Variants in PDZD2 observed in about 807,000 individuals in gnomAD.
PDZD2 encodes the protein PDZ domain containing 2, also known as PDZ domain-containing protein 2.
In PDZD2, 90 loss-of-function variants were observed where a neutral mutation model predicts 220.7. That is an observed-to-expected ratio of 0.41 (90% CI 0.34 to 0.49). PDZD2 has a LOEUF of 0.49. Among genes scored for constraint, PDZD2 ranks in the 20% least tolerant of loss-of-function variants. The pLI is 0.28. For missense variants in PDZD2, 3,174 were observed against 3,608.5 expected, an observed-to-expected ratio of 0.88 and a Z score of 3.08; for synonymous variants, 1,375 against 1,450.5, an observed-to-expected ratio of 0.95 and a Z score of 1.18.
intron 2 of PDZD2, among the ~76,000 whole-genome samples, chr5:31,977,807 T>C (rs1220986993): frequency 6.6e-6 from 1 of 152,112 alleles, no homozygotes; most frequent in Non-Finnish European, 1.5e-5. Context: ...ACCCTGTCTC[T>C]ACTGAAAATA....
chr5:31,796,233 TA>T (rs1236845803), intron 1 of PDZD2, among the ~76,000 whole-genome samples: 1 of 152,154 alleles, frequency 6.6e-6, no homozygotes, highest in African/African-American at 2.4e-5. Flanking sequence ...TCTTTCATTT[TA>T]AAGTCGTCAA....
intron 2 of PDZD2, among the ~76,000 whole-genome samples, chr5:31,949,023 A>G (rs1478809593): frequency 4.2e-5 from 6 of 143,140 alleles, no homozygotes; most frequent in Non-Finnish European, 7.5e-5. Context: ...GCTTGAACCC[A>G]GGAGGCGGAG....
intron 2 of PDZD2, among the ~76,000 whole-genome samples, chr5:31,980,897 C>A (rs1750242906): frequency 6.6e-6 from 1 of 152,128 alleles, no homozygotes. Context: ...GATTCTCGTG[C>A]CTCAATTTTC....
chr5:31,966,389 A>T (rs1235477704), intron 2 of PDZD2, among the ~76,000 whole-genome samples: 5 of 152,198 alleles, frequency 3.3e-5, no homozygotes, highest in African/African-American at 1.2e-4. Flanking sequence ...CATTTTCAAC[A>T]TTTGTGTTTG....
chr5:32,010,081 T>G (rs1561338324), intron 5 of PDZD2, among the ~76,000 whole-genome samples: 1 of 58,492 alleles, frequency 1.7e-5, no homozygotes. Context: ...AGCAAGACTG[T>G]CTCAAAAAAA....
At chr5:31,873,223 A>G (rs1180035191) in intron 2 of PDZD2, among the ~76,000 whole-genome samples, 1 of 152,098 alleles carries the variant, frequency 6.6e-6, no homozygotes, top group Non-Finnish European at 1.5e-5. Context: ...TGCTTGAGCC[A>G]GGAGTTTGAG....
chr5:31,917,781 C>T (rs949008522), intron 2 of PDZD2, among the ~76,000 whole-genome samples: 18 of 152,112 alleles, frequency 1.2e-4, no homozygotes, highest in South Asian at 4.1e-4. Context: ...TTCGCTCTGT[C>T]GCCCAGGCTG....
intron 1 of PDZD2, among the ~76,000 whole-genome samples, chr5:31,715,057 TAAAA>T (rs11310820): frequency 3.5e-5 from 5 of 142,720 alleles, no homozygotes; most frequent in East Asian, 2.0e-4. Context: ...ACACTCTGTC[TAAAA>T]AAAAAAAAAA....
intron 2 of PDZD2, among the ~76,000 whole-genome samples, chr5:31,832,020 A>G (rs1377954948): frequency 6.6e-6 from 1 of 151,990 alleles, no homozygotes; most frequent in Non-Finnish European, 1.5e-5. Context: ...TAAAATGATT[A>G]AAAATCAATT....
At chr5:31,908,105 A>AAAAAAAAG (rs1561044428) in intron 2 of PDZD2, among the ~76,000 whole-genome samples, 1 of 145,886 alleles carries the variant, frequency 6.9e-6, no homozygotes, top group African/African-American at 2.6e-5. Context: ...AAAAAAAAAA[A>AAAAAAAAG]AAAGAAAGAA....
intron 2 of PDZD2, among the ~76,000 whole-genome samples, chr5:31,872,516 C>CT (rs1323229994): frequency 6.8e-6 from 1 of 147,932 alleles, no homozygotes; most frequent in African/African-American, 2.4e-5. Flanking sequence ...ATGAGATACA[C>CT]TTTCCTTGAA....
In PDZD2 at chr5:31,879,231, G is replaced by GA. The variant is rs539623171; in HGVS notation, c.476+79513dup. ...TGAAATCCTGTCTCTACTAAAAATA[G>GA]AAAAAATTAGCCGGGCGTGGTGGCG... On this transcript the variant is annotated intron_variant, in intron 2 of 24. Coordinates refer to ENST00000438447, the MANE Select transcript of PDZD2 (RefSeq NM_178140.4). 2.7e-3 allele frequency among the ~76,000 whole-genome samples: 404 copies of GA among 151,740 alleles called. 1 individual carries two copies. Among genetic ancestry groups the GA allele is most frequent in the Admixed American group, 5.4e-3 (82 of 15,234 alleles).
intron 2 of PDZD2, among the ~76,000 whole-genome samples, chr5:31,861,503 C>T (rs1737703124): frequency 6.6e-6 from 1 of 152,164 alleles, no homozygotes; most frequent in Admixed American, 6.5e-5. Flanking sequence ...TTTATTCTTT[C>T]TTCCAACTTC....
At chr5:31,683,900 A>T (rs1232977964) in intron 1 of PDZD2, among the ~76,000 whole-genome samples, 2 of 152,132 alleles carry the variant, frequency 1.3e-5, no homozygotes, top group Admixed American at 1.3e-4. Flanking sequence ...TATTGTCCCT[A>T]AGAAAGGTTG....
At chr5:31,983,703 T>C (rs1181572563) in intron 3 of PDZD2, 47 bp downstream of exon 3, 1 of 1,553,614 alleles carries the variant, frequency 6.4e-7, no homozygotes, top group Admixed American at 1.8e-5. Flanking sequence ...TTATCGTGTG[T>C]GTTTGTTTGT....
At chr5:31,841,248 A>G (rs1442486336) in intron 2 of PDZD2, among the ~76,000 whole-genome samples, 1 of 152,154 alleles carries the variant, frequency 6.6e-6, no homozygotes, top group African/African-American at 2.4e-5. Flanking sequence ...CACATCTACA[A>G]GAATGCGTGG....
At chr5:31,851,906 A>C (rs2150299605) in intron 2 of PDZD2, among the ~76,000 whole-genome samples, 1 of 151,966 alleles carries the variant, frequency 6.6e-6, no homozygotes, top group South Asian at 2.1e-4. Context: ...GCCCAGGCTG[A>C]AGTGCAGTGG....
At chr5:31,902,041 C>A (rs532635311) in intron 2 of PDZD2, among the ~76,000 whole-genome samples, 33 of 152,186 alleles carry the variant, frequency 2.2e-4, no homozygotes, top group Non-Finnish European at 4.3e-4. Context: ...AATACTGCTA[C>A]GAACATTCAT....
At chr5:31,734,959 A>T (rs1450166410) in intron 1 of PDZD2, among the ~76,000 whole-genome samples, 2 of 152,196 alleles carry the variant, frequency 1.3e-5, no homozygotes, top group Non-Finnish European at 2.9e-5. Flanking sequence ...TTTTGTTTAC[A>T]TGCATCAGTA....
Sources: gnomAD v4.1 joint callset for allele counts (sites outside exome capture counted in the v4.1 genomes callset) on GRCh38, gnomAD v4.1.1 for gene constraint, MANE v1.5 for transcripts, NCBI Gene and HGNC (gene_info 2026-07-23, HGNC 2026-07-21) for gene names.